The following RGL1 variants were observed in gnomAD, a reference collection of about 807,000 sequenced individuals.
RGL1 encodes ral guanine nucleotide dissociation stimulator like 1.
In RGL1, 24 loss-of-function variants were observed where a neutral mutation model predicts 95.2. That is an observed-to-expected ratio of 0.25 (90% confidence interval 0.18 to 0.35). The LOEUF is 0.35. Ranked by LOEUF, RGL1 falls within the 10% of genes least tolerant of loss-of-function variation. The pLI is 1.00. For synonymous variants in RGL1, 329 were observed against 344.9 expected, an observed-to-expected ratio of 0.95 and a Z score of 0.51; for missense variants, 715 against 936.3, an observed-to-expected ratio of 0.76 and a Z score of 3.08.
At chr1:183,880,508 C>T (rs887503923) in intron 4 of RGL1, 108 bp from the exon 5 acceptor site, 1 of 835,288 alleles carries the variant, frequency 1.2e-6, no homozygotes, top group Non-Finnish European at 1.9e-6. Context: ...CTGTTGACCA[C>T]CCACCCAAGT....
intron 2 of RGL1, among the ~76,000 whole-genome samples, chr1:183,759,171 TAGAG>T (rs1199631960): frequency 3.3e-5 from 5 of 152,146 alleles, no homozygotes; most frequent in Non-Finnish European, 5.9e-5. Context: ...TTGCAGGTCC[TAGAG>T]AGAGGAGATA....
At chr1:183,660,614 C>T (rs925238382) in intron 1 of RGL1, among the ~76,000 whole-genome samples, 1 of 151,418 alleles carries the variant, frequency 6.6e-6, no homozygotes, top group Admixed American at 6.6e-5. Flanking sequence ...TAATGGGAGA[C>T]TTTAACACCC....
At position 183,647,589 on chromosome 1, in the gene RGL1, C is replaced by T. The variant is rs1290248991; in HGVS notation, c.-33+11088C>T. On this transcript the variant is annotated intron_variant, in intron 1 of 18. Transcript: ENST00000304685. ...GTGCATCAGTTTATCTCCATCTTGG[C>T]TCAGCCCTGAGAGAGAAAGTTTCCA... is the stretch of plus-strand genomic sequence containing the variant. 10 of 1,486,162 alleles carry T rather than the reference C, an allele frequency of 6.7e-6. No homozygotes were observed. In the East Asian group the frequency reaches 2.0e-4, roughly 30 times the overall value. The allele number at this position is 1,486,162 out of a possible 1,614,324, so 92.1% of individuals were successfully genotyped here.
At chr1:183,889,277 A>G (rs1667282347) in intron 8 of RGL1, among the ~76,000 whole-genome samples, 2 of 152,184 alleles carry the variant, frequency 1.3e-5, no homozygotes, top group African/African-American at 4.8e-5. Context: ...CTGTCACTAC[A>G]GATTTAGAGG....
intron 1 of RGL1, among the ~76,000 whole-genome samples, chr1:183,715,229 C>T (rs1655093549): frequency 6.6e-6 from 1 of 152,170 alleles, no homozygotes; most frequent in Non-Finnish European, 1.5e-5. Flanking sequence ...GACATTCCTT[C>T]CAGGTCACAA....
intron 2 of RGL1, among the ~76,000 whole-genome samples, chr1:183,752,633 C>CTTA (rs60307556): frequency 0.99 from 145,213 of 146,614 alleles, 71,930 homozygotes; most frequent in Non-Finnish European, 1. Context: ...TTCCTTTGTA[C>CTTA]TTATTCTGAG....
intron 7 of RGL1, among the ~76,000 whole-genome samples, chr1:183,887,904 G>A (rs1298347349): frequency 6.6e-6 from 1 of 152,154 alleles, no homozygotes; most frequent in Non-Finnish European, 1.5e-5. Context: ...TATGGTTGCA[G>A]GACAAGCCAA....
chr1:183,836,432 T>G (rs1663660200), intron 2 of RGL1, among the ~76,000 whole-genome samples: 2 of 149,694 alleles, frequency 1.3e-5, no homozygotes, highest in Admixed American at 1.3e-4. Flanking sequence ...TTTTTTTTTG[T>G]ATTTTTTTGT....
intron 2 of RGL1, among the ~76,000 whole-genome samples, chr1:183,827,823 A>G (rs1223993373): frequency 2.0e-5 from 3 of 152,254 alleles, no homozygotes. Flanking sequence ...AGTGACTGAG[A>G]AAAACTTTTT....
chr1:183,764,762 A>C (rs1226251370), intron 2 of RGL1, among the ~76,000 whole-genome samples: 2 of 152,112 alleles, frequency 1.3e-5, no homozygotes, highest in African/African-American at 4.8e-5. Context: ...TTAATTTAAT[A>C]CCATAGTTTT....
rs765324545 is a variant in RGL1 at position 183,904,933 on chromosome 1, G to T, written c.1434G>T (p.Gln478His). 1.1e-5 allele frequency: 18 copies of T among 1,613,744 alleles called. No individual in the cohort carries two copies. The highest frequency in any genetic ancestry group is 1.5e-5 in the Non-Finnish European group (18 of 1,179,894). The change falls in exon 13 of 18, where the codon CAG (glutamine) becomes CAT (histidine). Residue 478 changes from glutamine to histidine, a missense_variant. By Grantham distance (24) the Gln-to-His change is conservative. Around this residue, in one of 3 missense-constraint regions of RGL1, gnomAD observed 330 missense variants for 429.6 expected, o/e 0.77. Transcript: ENST00000360851. ...TGACCCCAGACCAAAAGTTCATCCA[G>T]TGGTTCCAGAGGCAGCAGCTCCTGA... Reference protein sequence around the residue: ...YCMTPDQKFIQWFQRQQLLTE... With the variant: ...YCMTPDQKFIHWFQRQQLLTE...
At chr1:183,687,416 C>A (rs758586417) in intron 1 of RGL1, among the ~76,000 whole-genome samples, 7 of 152,170 alleles carry the variant, frequency 4.6e-5, no homozygotes, top group African/African-American at 1.7e-4. Context: ...GTTTTCTCAG[C>A]GCTGTTTTGT....
intron 2 of RGL1, among the ~76,000 whole-genome samples, chr1:183,759,719 T>G (rs1112003): frequency 0.44 from 67,625 of 152,086 alleles, 16,083 homozygotes; most frequent in East Asian, 0.8. Flanking sequence ...CCATTGGCCC[T>G]TGTTGCCAGT....
chr1:183,704,074 G>T (rs1227606998), intron 1 of RGL1, among the ~76,000 whole-genome samples: 1 of 152,188 alleles, frequency 6.6e-6, no homozygotes, highest in African/African-American at 2.4e-5. Flanking sequence ...GATTAAAGAG[G>T]AGAGAACAAG....
chr1:183,792,817 A>G (rs895151608), intron 2 of RGL1, among the ~76,000 whole-genome samples: 3 of 152,182 alleles, frequency 2.0e-5, no homozygotes, highest in African/African-American at 7.2e-5. Flanking sequence ...CAAACAAAGG[A>G]AAGACATTCC....
intron 1 of RGL1, among the ~76,000 whole-genome samples, chr1:183,681,342 A>G (rs1009327283): frequency 6.6e-6 from 1 of 152,232 alleles, no homozygotes; most frequent in Non-Finnish European, 1.5e-5. Context: ...ATTTTGAGAT[A>G]CATTCAATCA....
At chr1:183,925,391 C>G (rs960823532) in intron 17 of RGL1, among the ~76,000 whole-genome samples, 1 of 152,144 alleles carries the variant, frequency 6.6e-6, no homozygotes, top group African/African-American at 2.4e-5. Flanking sequence ...GCATGCAGGA[C>G]TTAAAACCTA....
At chr1:183,641,562 C>A (rs912522185) in intron 1 of RGL1, among the ~76,000 whole-genome samples, 10 of 152,126 alleles carry the variant, frequency 6.6e-5, no homozygotes, top group Admixed American at 2.6e-4. Flanking sequence ...GAGCCCCCCC[C>A]ACCATACCTG....
intron 2 of RGL1, among the ~76,000 whole-genome samples, chr1:183,779,246 T>A (rs1372619193): frequency 6.7e-6 from 1 of 148,468 alleles, no homozygotes; most frequent in African/African-American, 2.5e-5. Context: ...CCACCTTCCT[T>A]CCTCTTCTTT....
Sources: gnomAD v4.1 joint callset for allele counts (sites outside exome capture counted in the v4.1 genomes callset) on GRCh38, gnomAD v4.1.1 for gene constraint, gnomAD v4.1.1 regional missense constraint, MANE v1.5 for transcripts, NCBI Gene and HGNC (gene_info 2026-07-23, HGNC 2026-07-21) for gene names.